KCNIP4: variants seen among roughly 807,000 people sequenced by gnomAD.
KCNIP4 encodes Kv channel-interacting protein 4.
Under a neutral mutation model 34.0 loss-of-function variants are expected in KCNIP4, and 12 were observed. That is an observed-to-expected ratio of 0.35 (90% confidence interval 0.23 to 0.57). The LOEUF is 0.57. Among genes scored for constraint, KCNIP4 ranks in the 20% least tolerant of loss-of-function variants. The pLI is 0.83. For synonymous variants in KCNIP4, 124 were observed against 102.2 expected, an observed-to-expected ratio of 1.21 and a Z score of -1.29; for missense variants, 238 against 311.7, an observed-to-expected ratio of 0.76 and a Z score of 1.78.
rs1339249565 is a variant in KCNIP4, at chr4:20,729,512, G to A, written c.*570C>T. The A allele has an allele frequency of 8.5e-6, 1 of 117,698 alleles. No individual in the cohort carries two copies. Among genetic ancestry groups the A allele is most frequent in the East Asian group, 2.3e-4 (1 of 4,382 alleles). 7.3% of individuals were successfully genotyped at this position (117,698 alleles called of 1,614,324 possible). ...TAATAATTTTTAAATGTTTAAAAAT[G>A]CCAGATAAAACTAATTTCTAACAGA... On this transcript the variant is annotated 3_prime_UTR_variant, in exon 9 of 9. Transcript: ENST00000382152.
intron 1 of KCNIP4, among the ~76,000 whole-genome samples, chr4:21,434,294 C>G (rs1467071084): frequency 6.6e-6 from 1 of 152,096 alleles, no homozygotes; most frequent in Admixed American, 6.5e-5. Flanking sequence ...ACAGTATAAA[C>G]CATGTTATTT....
At chr4:21,462,488 A>T (rs1476411772) in intron 1 of KCNIP4, among the ~76,000 whole-genome samples, 2 of 151,908 alleles carry the variant, frequency 1.3e-5, no homozygotes. Context: ...ATTACCTCCC[A>T]CCTGGTCCCT....
intron 1 of KCNIP4, among the ~76,000 whole-genome samples, chr4:21,287,611 G>A (rs1057150373): frequency 6.6e-6 from 1 of 152,122 alleles, no homozygotes; most frequent in Non-Finnish European, 1.5e-5. Context: ...AGTCCTACTA[G>A]TTACTTACGT....
At position 21,050,841 on chromosome 4, in the gene KCNIP4, G is replaced by A. The variant is rs532508231; in HGVS notation, c.62-168132C>T. ...AAGCATGCATCCAATTAAGAAGAAT[G>A]TTATTGAATGATTTTCATTCACTGG... On this transcript the variant is annotated intron_variant, in intron 1 of 8. Coordinates refer to ENST00000382152, the MANE Select transcript of KCNIP4 (RefSeq NM_025221.6). Among the ~76,000 whole-genome samples, 10 of 152,268 alleles carry A rather than the reference G, an allele frequency of 6.6e-5. No homozygotes were observed. In the South Asian group the frequency reaches 1.4e-3, roughly 22 times the overall value.
chr4:20,763,335 T>C (rs2149366051), intron 3 of KCNIP4, among the ~76,000 whole-genome samples: 1 of 152,286 alleles, frequency 6.6e-6, no homozygotes, highest in African/African-American at 2.4e-5. Flanking sequence ...CTTATTCACA[T>C]AACAATCTTG....
chr4:20,972,666 C>T (rs764276287), intron 1 of KCNIP4, among the ~76,000 whole-genome samples: 3 of 152,000 alleles, frequency 2.0e-5, no homozygotes, highest in African/African-American at 4.8e-5. Context: ...AAAAGTAGTG[C>T]GGACCCAAAG....
chr4:20,945,241 C>A (rs145996664), intron 1 of KCNIP4, among the ~76,000 whole-genome samples: 3,657 of 152,294 alleles, frequency 0.024, 51 homozygotes, highest in Non-Finnish European at 0.038. Flanking sequence ...GACTTGTGAA[C>A]ACACTGAAGT....
intron 1 of KCNIP4, among the ~76,000 whole-genome samples, chr4:21,346,689 C>T (rs566353571): frequency 1.4e-3 from 211 of 152,140 alleles, no homozygotes; most frequent in African/African-American, 4.8e-3. Context: ...TACAAATCAC[C>T]TGGGGAATCT....
chr4:20,823,154 C>T lies in KCNIP4; in HGVS notation c.288+27389G>A, dbSNP rs554377340. On this transcript the variant is annotated intron_variant, in intron 3 of 8. Transcript: ENST00000382152. ...CAATAGAAATAAATTATGGTTTACCCAGTCTAAAGTATTTTGTTATAGCAT... is the reference window on the plus strand; with the variant it reads ...CAATAGAAATAAATTATGGTTTACCTAGTCTAAAGTATTTTGTTATAGCAT... 3.3e-5 allele frequency among the ~76,000 whole-genome samples: 5 copies of T among 152,080 alleles called. No homozygotes were observed. The East Asian group carries it at 9.7e-4, about 30-fold the overall frequency.
At chr4:20,827,807 TC>T (rs1560495462) in intron 3 of KCNIP4, among the ~76,000 whole-genome samples, 2 of 55,658 alleles carry the variant, frequency 3.6e-5, no homozygotes, top group African/African-American at 9.0e-5. Context: ...CCCATCCCCC[TC>T]AAAAAAAAAA....
chr4:21,885,911 C>A (rs979723844), intron 1 of KCNIP4, among the ~76,000 whole-genome samples: 1 of 152,116 alleles, frequency 6.6e-6, no homozygotes, highest in African/African-American at 2.4e-5. Flanking sequence ...GATAGACATC[C>A]GCTCTTAAAA....
Position 21,924,027 on chromosome 4 carries a change from T to C in KCNIP4, c.61+24544A>G, listed in dbSNP as rs111461687. On this transcript the variant is annotated intron_variant, in intron 1 of 8. Transcript: ENST00000382152. Reference sequence around the variant, plus strand: ...AGTATAGGTTAAACCAGTGATTGGGTTTCTACTTCTACAATGCAAATCCTT... The same window carrying C: ...AGTATAGGTTAAACCAGTGATTGGGCTTCTACTTCTACAATGCAAATCCTT... 7.4e-3 allele frequency among the ~76,000 whole-genome samples: 1,123 copies of C among 152,180 alleles called. 14 individuals are homozygous for C. The highest frequency in any genetic ancestry group is 0.026 in the African/African-American group (1,062 of 41,488).
At chr4:21,888,019 T>C (rs776267803) in intron 1 of KCNIP4, among the ~76,000 whole-genome samples, 29 of 152,264 alleles carry the variant, frequency 1.9e-4, no homozygotes, top group Non-Finnish European at 3.7e-4. Flanking sequence ...TGCCAGGTAT[T>C]GTTCTGATTC....
chr4:20,995,260 T>C (rs1737442944), intron 1 of KCNIP4, among the ~76,000 whole-genome samples: 1 of 152,148 alleles, frequency 6.6e-6, no homozygotes. Context: ...TTTTTCTCTG[T>C]TGGGTGCTGT....
At chr4:21,548,366 A>G (rs994782336) in intron 1 of KCNIP4, among the ~76,000 whole-genome samples, 2 of 152,274 alleles carry the variant, frequency 1.3e-5, no homozygotes, top group East Asian at 1.9e-4. Flanking sequence ...TTGCATCAAT[A>G]AAACATCAAA....
At chr4:20,748,882 A>ATG (rs139805656) in intron 5 of KCNIP4, among the ~76,000 whole-genome samples, 33,306 of 144,160 alleles carry the variant, frequency 0.23, 4,563 homozygotes, top group Non-Finnish European at 0.32. Flanking sequence ...GTGTGTGTGT[A>ATG]TGTGTGTGTG....
chr4:21,612,622 T>C lies in KCNIP4; in HGVS notation c.61+335949A>G, dbSNP rs1744244256. Among the ~76,000 whole-genome samples, 3 of 152,246 alleles carry C rather than the reference T, an allele frequency of 2.0e-5. No homozygotes were observed. The South Asian group carries it at 6.2e-4, about 31-fold the overall frequency. ...GCATACTCTACATTGGCATCTAATA[T>C]GATACGGCTATTTAATAAAAAGCTA... On this transcript the variant is annotated intron_variant, in intron 1 of 8. Transcript: ENST00000382152.
intron 2 of KCNIP4, among the ~76,000 whole-genome samples, chr4:20,852,071 A>G (rs141248630): frequency 8.5e-5 from 13 of 152,276 alleles, no homozygotes; most frequent in Non-Finnish European, 1.5e-4. Context: ...GAATGGAAGG[A>G]CATCTGAAGA....
At chr4:21,025,825 G>A (rs1383033637) in intron 1 of KCNIP4, among the ~76,000 whole-genome samples, 1 of 152,012 alleles carries the variant, frequency 6.6e-6, no homozygotes, top group East Asian at 1.9e-4. Context: ...AAAGTGCTGG[G>A]ATTACAGGCG....
Sources: gnomAD v4.1 joint callset for allele counts (sites outside exome capture counted in the v4.1 genomes callset) on GRCh38, gnomAD v4.1.1 for gene constraint, MANE v1.5 for transcripts, NCBI Gene and HGNC (gene_info 2026-07-23, HGNC 2026-07-21) for gene names.